Variants in HDAC9 observed in about 807,000 individuals in gnomAD.
The protein encoded by HDAC9 is histone deacetylase 9.
HDAC9 carries 41 observed loss-of-function variants against 139.4 expected under a neutral mutation model. That is an observed-to-expected ratio of 0.29 (90% CI 0.23 to 0.38). HDAC9 has a LOEUF of 0.38. HDAC9 is among the 10% of genes least tolerant of loss of function. The pLI is 1.00. For synonymous variants in HDAC9, 517 were observed against 476.2 expected, an observed-to-expected ratio of 1.09 and a Z score of -1.12; for missense variants, 1,147 against 1,297.0, an observed-to-expected ratio of 0.88 and a Z score of 1.78.
intron 2 of HDAC9, among the ~76,000 whole-genome samples, chr7:18,221,106 C>CTTTTTTTTTTTTTTTTTTTTTTTTTT (rs537033538): frequency 1.4e-5 from 2 of 139,666 alleles, no homozygotes; most frequent in Admixed American, 7.1e-5. Context: ...ATTTCTATTC[C>CTTTTTTTTTTTTTTTTTTTTTTTTTT]TTTTTTTTTT....
intron 20 of HDAC9, 44 bp downstream of exon 20, chr7:18,835,630 C>T: frequency 1.9e-6 from 3 of 1,611,130 alleles, no homozygotes; most frequent in Middle Eastern, 1.7e-4. Context: ...TTGTATCTTT[C>T]AGGTAATTGC....
chr7:18,630,180 T>C, intron 7 of HDAC9, among the ~76,000 whole-genome samples: 1 of 152,082 alleles, frequency 6.6e-6, no homozygotes, highest in African/African-American at 2.4e-5. Context: ...CCAAAAATAC[T>C]AGCCAAAATA....
rs1043280572 is a variant in HDAC9, at chr7:18,934,130, C to T, written c.2804-1679C>T. Among the ~76,000 whole-genome samples the T allele has an allele frequency of 4.6e-5, 7 of 152,062 alleles. 1 individual carries two copies. In the South Asian group the frequency reaches 8.3e-4, roughly 18 times the overall value. The stretch of plus-strand genomic sequence containing the variant: ...TAAACAATGAAATAAAAGAAGGAAA[C>T]GCCTGTAAAAATATAACTTAGGACG... On this transcript the variant is annotated intron_variant, in intron 22 of 25. Transcript: ENST00000686413.
Position 18,194,938 on chromosome 7 carries a change from TTGTGTG to T in HDAC9, c.25+32608_25+32613del, listed in dbSNP as rs112692661. Among the ~76,000 whole-genome samples the T allele has an allele frequency of 6.0e-5, 9 of 148,842 alleles. No individual in the cohort carries two copies. In the South Asian group the frequency reaches 1.7e-3, roughly 28 times the overall value. On this transcript the variant is annotated intron_variant, in intron 2 of 12. Coordinates refer to the HDAC9 transcript ENST00000417496. ...GCAAAGAGAATGTTGCTTTATAGTT[TTGTGTG>T]TGTGTGTGTGTGTGTGTGGTGTTCT...
At chr7:18,121,647 A>T (rs1484043540) in intron 1 of HDAC9, among the ~76,000 whole-genome samples, 2 of 152,170 alleles carry the variant, frequency 1.3e-5, no homozygotes, top group African/African-American at 4.8e-5. Flanking sequence ...GTACACAGAG[A>T]TGTGCTCAGT....
chr7:18,555,579 A>C (rs980105191), intron 2 of HDAC9, among the ~76,000 whole-genome samples: 2 of 152,162 alleles, frequency 1.3e-5, no homozygotes, highest in Admixed American at 1.3e-4. Context: ...ACACGGAGAC[A>C]GACACAAACA....
At chr7:18,272,646 A>G (rs1353785392) in intron 2 of HDAC9, among the ~76,000 whole-genome samples, 1 of 152,188 alleles carries the variant, frequency 6.6e-6, no homozygotes, top group Non-Finnish European at 1.5e-5. Context: ...AATGATTTTT[A>G]ATGAAAGTCA....
At chr7:18,262,347 A>C (rs302189) in intron 2 of HDAC9, among the ~76,000 whole-genome samples, 120,178 of 152,110 alleles carry the variant, frequency 0.79, 47,599 homozygotes, top group South Asian at 0.87. Flanking sequence ...ATTCAAAGTG[A>C]TGAAGGAAAG....
At chr7:18,916,022 G>GGCAAAAAAAAAAAAA (rs1491394538) in intron 22 of HDAC9, among the ~76,000 whole-genome samples, 1 of 138,122 alleles carries the variant, frequency 7.2e-6, no homozygotes. Flanking sequence ...CCCCCCGCTG[G>GGCAAAAAAAAAAAAA]AAAAAAAAAA....
intron 2 of HDAC9, among the ~76,000 whole-genome samples, chr7:18,523,953 C>G (rs1444338929): frequency 6.8e-6 from 1 of 147,310 alleles, no homozygotes; most frequent in Non-Finnish European, 1.5e-5. Flanking sequence ...TTCACCTGGA[C>G]TGGCAGAATA....
At chr7:18,256,020 A>G (rs1301303563) in intron 2 of HDAC9, among the ~76,000 whole-genome samples, 1 of 152,136 alleles carries the variant, frequency 6.6e-6, no homozygotes, top group Non-Finnish European at 1.5e-5. Flanking sequence ...AGATGATTTC[A>G]TGATTATTGT....
At position 18,998,662 on chromosome 7, in the gene HDAC9, T is replaced by C. The variant is rs368130667; in HGVS notation, c.*2600T>C. On this transcript the variant is annotated 3_prime_UTR_variant, in exon 26 of 26. Transcript: ENST00000686413. ...AAAGGGTAGTTTCACTTGGTATAGT[T>C]TTTCTTCACTTACCCGTTTAAATTT... is the stretch of plus-strand genomic sequence containing the variant. 2 of 152,194 alleles carry C rather than the reference T, an allele frequency of 1.3e-5. No individual in the cohort carries two copies. Among genetic ancestry groups the C allele is most frequent in the South Asian group, 4.1e-4 (2 of 4,824 alleles). 9.4% of individuals were successfully genotyped at this position (152,194 alleles called of 1,614,324 possible).
rs529652546 is a variant in HDAC9 at position 18,375,081 on chromosome 7, T to A, written c.-42+84566T>A. Among the ~76,000 whole-genome samples the A allele has an allele frequency of 3.7e-3, 568 of 152,382 alleles. 2 individuals carry two copies. Among genetic ancestry groups the A allele is most frequent in the African/African-American group, 0.013 (528 of 41,594 alleles). On this transcript the variant is annotated intron_variant, in intron 1 of 3. Coordinates refer to the HDAC9 transcript ENST00000413509. The stretch of plus-strand genomic sequence containing the variant: ...ATCATTATTTTAAAATGTGGTTATG[T>A]AAACAAAGTTAATTGTAAACAGCCT...
chr7:18,341,662 T>A (rs1321070822), intron 1 of HDAC9, among the ~76,000 whole-genome samples: 1 of 151,710 alleles, frequency 6.6e-6, no homozygotes, highest in East Asian at 1.9e-4. Context: ...ACTGTTTCAA[T>A]GTGTTTTTTT....
At chr7:18,330,197 A>G (rs1032242154) in intron 1 of HDAC9, among the ~76,000 whole-genome samples, 3 of 151,674 alleles carry the variant, frequency 2.0e-5, no homozygotes, top group African/African-American at 7.3e-5. Flanking sequence ...ACTAAATGAA[A>G]CCCAGGGCAT....
chr7:18,615,169 G>A (rs781044194), intron 6 of HDAC9, among the ~76,000 whole-genome samples: 1 of 152,054 alleles, frequency 6.6e-6, no homozygotes, highest in Non-Finnish European at 1.5e-5. Context: ...TAAGAGACTG[G>A]AATTGTATCT....
intron 1 of HDAC9, among the ~76,000 whole-genome samples, chr7:18,423,427 C>T (rs898340999): frequency 2.6e-5 from 4 of 152,162 alleles, no homozygotes; most frequent in Non-Finnish European, 4.4e-5. Context: ...GGGCTTTATT[C>T]ATAAAATATT....
chr7:18,171,420 A>G (rs915364260), intron 2 of HDAC9, among the ~76,000 whole-genome samples: 2 of 152,094 alleles, frequency 1.3e-5, no homozygotes, highest in African/African-American at 2.4e-5. Context: ...CTCTTTTCCT[A>G]ATTGAATACC....
At chr7:18,314,863 ATATTTCAGATTTT>A (rs1190913865) in intron 1 of HDAC9, among the ~76,000 whole-genome samples, 1 of 152,216 alleles carries the variant, frequency 6.6e-6, no homozygotes, top group Non-Finnish European at 1.5e-5. Flanking sequence ...TTCGTGTTTT[ATATTTCAGATTTT>A]TATTCTTCAT....
Sources: allele counts gnomAD v4.1 joint callset (sites outside exome capture counted in the v4.1 genomes callset), GRCh38; gene constraint gnomAD v4.1.1; transcripts MANE v1.5; gene names NCBI Gene and HGNC (gene_info 2026-07-23, HGNC 2026-07-21).